Variants in INPP5B observed in about 807,000 individuals in gnomAD.
INPP5B encodes the protein type II inositol 1,4,5-trisphosphate 5-phosphatase.
Under a neutral mutation model 118.5 loss-of-function variants are expected in INPP5B, and 90 were observed. The observed-to-expected ratio is 0.76, with a 90% CI of 0.64 to 0.90. The LOEUF is 0.90. Ranked by LOEUF, INPP5B falls within the 40% of genes least tolerant of loss-of-function variation. INPP5B has a pLI of 0.00. For missense variants in INPP5B, 984 were observed against 1,125.6 expected (o/e 0.87, Z 1.80); for synonymous variants, 385 against 418.9 (o/e 0.92, Z 0.99).
chr1:37,891,072 C>T (rs953074395), intron 8 of INPP5B, among the ~76,000 whole-genome samples: 1 of 151,720 alleles, frequency 6.6e-6, no homozygotes, highest in African/African-American at 2.4e-5. Flanking sequence ...ATTAAAAATA[C>T]AAAATTAGCC....
At chr1:37,934,175 G>A (rs911775445) in intron 6 of INPP5B, among the ~76,000 whole-genome samples, 11 of 151,884 alleles carry the variant, frequency 7.2e-5, no homozygotes, top group African/African-American at 2.4e-4. Flanking sequence ...CTCATGATCC[G>A]CCCACCTCAA....
rs906705419 is a variant in INPP5B, at chr1:37,872,948, A to C, written c.2169T>G (p.Leu723=). 1 of 1,613,740 alleles carries C rather than the reference A, an allele frequency of 6.2e-7. No homozygotes were observed. The highest frequency in any genetic ancestry group is 1.7e-5 in the Admixed American group (1 of 60,010). The part of the protein sequence containing the change: ...YMREPILDLP[L]ETISELTLMP... ...TACTCACCAGCTCACTAATGGTTTCAAGTGGTAGGTCCAAGATTGGCTCTC... is the reference window on the plus strand; with the variant it reads ...TACTCACCAGCTCACTAATGGTTTCCAGTGGTAGGTCCAAGATTGGCTCTC... Residue 723 remains leucine (L), a synonymous_variant, in exon 19 of 24, where the codon CTT becomes CTG. Coordinates refer to ENST00000373024, the MANE Select transcript of INPP5B (RefSeq NM_005540.3).
At position 37,865,352 on chromosome 1, in the gene INPP5B, C is replaced by T. The variant is rs181543415; in HGVS notation, c.2514+409G>A. On this transcript the variant is annotated intron_variant, in intron 22 of 23. Transcript: ENST00000373024. ...AAATCAGTAATTGGCAATAGAGAGCCAAGTATAGTTTTTGACCAACAGTCA... is the reference window on the plus strand; with the variant it reads ...AAATCAGTAATTGGCAATAGAGAGCTAAGTATAGTTTTTGACCAACAGTCA... Among the ~76,000 whole-genome samples, 5 of 152,244 alleles carry T rather than the reference C, an allele frequency of 3.3e-5. No homozygotes were observed. The East Asian group carries it at 7.7e-4, about 23-fold the overall frequency.
At position 37,865,831 on chromosome 1, in the gene INPP5B, T is replaced by C. The variant is rs535289020; in HGVS notation, c.2444A>G (p.Glu815Gly). The C allele has an allele frequency of 1.2e-4, 196 of 1,613,816 alleles. 1 individual carries two copies. In the South Asian group the frequency reaches 2.0e-3, roughly 17 times the overall value. ...GTAGGTGCTGTAACAGATGACAGGC[T>C]CTGGAAGGCTCTCCAGGAAAAGCAG... Reference protein sequence around the residue: ...ALLLFLESLPEPVICYSTYHN... With the variant: ...ALLLFLESLPGPVICYSTYHN... Residue 815 changes from glutamate (E) to glycine (G), a missense_variant, in exon 22 of 24, where the codon GAG becomes GGG. Around this residue, in one of 2 missense-constraint regions of INPP5B, gnomAD observed 634 missense variants for 791.0 expected, o/e 0.80. Transcript: ENST00000373024.
chr1:37,894,164 A>G (rs1365081849), intron 7 of INPP5B, among the ~76,000 whole-genome samples: 2 of 152,226 alleles, frequency 1.3e-5, no homozygotes, highest in Admixed American at 6.5e-5. Context: ...AATGCAAAAA[A>G]TCATTCTTAG....
Position 37,907,815 on chromosome 1 carries a change from T to C in INPP5B, c.533-16361A>G, listed in dbSNP as rs191489811. On this transcript the variant is annotated intron_variant, in intron 7 of 23. Transcript: ENST00000373024. The surrounding 1 kb of genome is among the most constrained non-coding windows in gnomAD (Gnocchi z 4.3). ...CTAAAAAGGGGAGGCATGAATAATC[T>C]GTCAGGCCTCTGAGCCCAAGCTAAG... is the stretch of plus-strand genomic sequence containing the variant. Among the ~76,000 whole-genome samples, 2 of 152,292 alleles carry C rather than the reference T, an allele frequency of 1.3e-5. No individual in the cohort carries two copies. The highest frequency in any genetic ancestry group is 4.8e-5 in the African/African-American group (2 of 41,582).
chr1:37,880,318 G>A, intron 14 of INPP5B, 124 bp from the exon 15 acceptor site: 1 of 668,370 alleles, frequency 1.5e-6, no homozygotes, highest in Non-Finnish European at 2.5e-6. Flanking sequence ...CCAAAAGAAA[G>A]TTATTCTGTA....
chr1:37,869,120 G>C (rs1642237155), intron 19 of INPP5B, among the ~76,000 whole-genome samples: 1 of 152,044 alleles, frequency 6.6e-6, no homozygotes, highest in African/African-American at 2.4e-5. Flanking sequence ...AGCCTCCCTA[G>C]TAGCTGGGAT....
intron 6 of INPP5B, 109 bp from the exon 7 acceptor site, chr1:37,932,162 G>A: frequency 1.2e-6 from 1 of 869,034 alleles, no homozygotes; most frequent in Non-Finnish European, 1.6e-6. Flanking sequence ...CGCACAGAAG[G>A]GTTCTGTGCG....
At chr1:37,879,999 T>G (rs1643093358) in intron 15 of INPP5B, 86 bp downstream of exon 15, 1 of 763,682 alleles carries the variant, frequency 1.3e-6, no homozygotes, top group East Asian at 2.6e-5. Flanking sequence ...GAAGCATATA[T>G]TCTTCCTTAG....
chr1:37,891,211 G>T (rs1473292534), intron 8 of INPP5B, 147 bp downstream of exon 8: 1 of 541,234 alleles, frequency 1.8e-6, no homozygotes, highest in East Asian at 3.0e-5. Flanking sequence ...TGGGCAGTAA[G>T]AGCGAAACTC....
In INPP5B at chr1:37,934,185, A is replaced by G. The variant is rs561344332; in HGVS notation, c.392-2132T>C. Among the ~76,000 whole-genome samples the G allele has an allele frequency of 3.6e-4, 55 of 151,830 alleles. No homozygotes were observed. The South Asian group carries it at 0.011, about 31-fold the overall frequency. On this transcript the variant is annotated intron_variant, in intron 6 of 23. Transcript: ENST00000373024. ...CTGACCTCATGATCCGCCCACCTCAACCTCTCAAAAGTGCTGGGATTACAG... is the reference window on the plus strand; with the variant it reads ...CTGACCTCATGATCCGCCCACCTCAGCCTCTCAAAAGTGCTGGGATTACAG...
At chr1:37,887,591 A>C (rs1324939109) in intron 10 of INPP5B, 126 bp from the exon 11 acceptor site, 1 of 600,624 alleles carries the variant, frequency 1.7e-6, no homozygotes. Context: ...GGAGGAAAAA[A>C]TAAACATTTA....
At position 37,907,048 on chromosome 1, in the gene INPP5B, C is replaced by G. The variant is rs1300519251; in HGVS notation, c.533-15594G>C. Among the ~76,000 whole-genome samples, 2 of 152,124 alleles carry G rather than the reference C, an allele frequency of 1.3e-5. No individual in the cohort carries two copies. Among genetic ancestry groups the G allele is most frequent in the Admixed American group, 1.3e-4 (2 of 15,262 alleles). ...TAATGTAAAAACCTGGATCAATATT[C>G]TAATTCTGGGCATATATTGGAATCA... On this transcript the variant is annotated intron_variant, in intron 7 of 23. Transcript: ENST00000373024. This position sits in a 1 kb window ranked among gnomAD's most constrained non-coding sequence, Gnocchi z 4.3.
chr1:37,876,236 T>C (rs1484833367), intron 16 of INPP5B, among the ~76,000 whole-genome samples: 1 of 151,752 alleles, frequency 6.6e-6, no homozygotes, highest in African/African-American at 2.4e-5. Flanking sequence ...CCCAAGTAGC[T>C]GAGACCACAG....
intron 6 of INPP5B, among the ~76,000 whole-genome samples, chr1:37,934,578 T>C (rs1645613170): frequency 6.6e-6 from 1 of 152,116 alleles, no homozygotes; most frequent in South Asian, 2.1e-4. Flanking sequence ...TCTAGTAAAA[T>C]GAAAGAGTTG....
chr1:37,899,383 G>A (rs2148558844), intron 7 of INPP5B, among the ~76,000 whole-genome samples: 1 of 151,790 alleles, frequency 6.6e-6, no homozygotes, highest in Non-Finnish European at 1.5e-5. Context: ...GACCAACATG[G>A]AGAAACCCCG....
chr1:37,866,406 T>TCTCTCACACA (rs748938943), intron 21 of INPP5B, 53 bp downstream of exon 21: 101 of 404,502 alleles, frequency 2.5e-4, no homozygotes, highest in African/African-American at 2.3e-3. Context: ...TCTCTCTCTC[T>TCTCTCACACA]CACACACACA....
chr1:37,874,873 T>C (rs750755959), intron 17 of INPP5B, among the ~76,000 whole-genome samples: 31 of 152,208 alleles, frequency 2.0e-4, no homozygotes, highest in Non-Finnish European at 4.1e-4. Flanking sequence ...GTGAGTGATC[T>C]TCCATGTGGC....
Sources: allele counts gnomAD v4.1 joint callset (sites outside exome capture counted in the v4.1 genomes callset), GRCh38; gene constraint gnomAD v4.1.1; regional missense constraint gnomAD v4.1.1; non-coding constraint Gnocchi (gnomAD v3.1); transcripts MANE v1.5; gene names NCBI Gene and HGNC (gene_info 2026-07-23, HGNC 2026-07-21).